Variants in CLVS1 observed in about 807,000 individuals in gnomAD.
CLVS1 encodes the protein clavesin-1.
Under a neutral mutation model 33.1 loss-of-function variants are expected in CLVS1, and 10 were observed. That is an observed-to-expected ratio of 0.30 (90% CI 0.19 to 0.51). The LOEUF is 0.51. CLVS1 is among the 20% of genes least tolerant of loss of function. The pLI, the probability that CLVS1 is intolerant of heterozygous loss-of-function variation, is 0.97. For synonymous variants in CLVS1, 163 were observed against 166.1 expected (o/e 0.98, Z 0.14); for missense variants, 343 against 433.4 (o/e 0.79, Z 1.85).
the CLVS1 span, among the ~76,000 whole-genome samples, chr8:60,970,084 T>A: frequency 1.3e-5 from 2 of 152,254 alleles, no homozygotes; most frequent in Non-Finnish European, 2.9e-5. Context: ...AATGTGATTA[T>A]AAAACATTTA....
chr8:61,216,419 G>A (rs945940235), intron 2 of CLVS1, among the ~76,000 whole-genome samples: 3 of 152,206 alleles, frequency 2.0e-5, no homozygotes, highest in Non-Finnish European at 4.4e-5. Context: ...GAAGGAAGGA[G>A]TTTAGCAGAC....
chr8:61,481,745 T>A (rs1004354809), intron 5 of CLVS1, among the ~76,000 whole-genome samples: 1 of 152,222 alleles, frequency 6.6e-6, no homozygotes, highest in African/African-American at 2.4e-5. Context: ...GAAGCCTGCC[T>A]CCCTCTGTAG....
At chr8:60,999,767 G>A in the CLVS1 span, among the ~76,000 whole-genome samples, 1 of 152,264 alleles carries the variant, frequency 6.6e-6, no homozygotes, top group African/African-American at 2.4e-5. Context: ...AAAAATGGCG[G>A]AAGAGAGTGG....
At chr8:60,984,300 CT>C in the CLVS1 span, among the ~76,000 whole-genome samples, 1 of 150,774 alleles carries the variant, frequency 6.6e-6, no homozygotes, top group Non-Finnish European at 1.5e-5. Context: ...AGTTTTTTTT[CT>C]TTTTTTCCTC....
chr8:61,494,200 C>T (rs1030660603), intron 5 of CLVS1, among the ~76,000 whole-genome samples: 2 of 151,850 alleles, frequency 1.3e-5, no homozygotes, highest in African/African-American at 4.8e-5. Flanking sequence ...AAAAATTAAA[C>T]CACAGCCATA....
At chr8:61,277,091 T>C (rs979859058) in intron 2 of CLVS1, among the ~76,000 whole-genome samples, 3 of 152,250 alleles carry the variant, frequency 2.0e-5, no homozygotes, top group African/African-American at 7.2e-5. Context: ...CAAGTCTTGC[T>C]GACTCCAGAG....
chr8:61,246,464 C>T (rs1262678340), intron 2 of CLVS1, among the ~76,000 whole-genome samples: 1 of 151,834 alleles, frequency 6.6e-6, no homozygotes, highest in Non-Finnish European at 1.5e-5. Context: ...GCCACTGCAC[C>T]AGGCCTTCCT....
the CLVS1 span, among the ~76,000 whole-genome samples, chr8:61,002,839 C>A: frequency 6.6e-6 from 1 of 152,130 alleles, no homozygotes; most frequent in Non-Finnish European, 1.5e-5. Context: ...CTAAAAGGAT[C>A]ATATATGGTG....
chr8:61,035,639 GTGTC>G, the CLVS1 span, among the ~76,000 whole-genome samples: 1 of 152,186 alleles, frequency 6.6e-6, no homozygotes, highest in African/African-American at 2.4e-5. Context: ...AAAGCTGCAG[GTGTC>G]TGCCCAGAGA....
chr8:61,067,875 A>G (rs1804711257), intron 1 of CLVS1, among the ~76,000 whole-genome samples: 1 of 151,986 alleles, frequency 6.6e-6, no homozygotes, highest in Non-Finnish European at 1.5e-5. Context: ...ATTGGGTACT[A>G]TGTTCACTAC....
At chr8:61,310,935 T>G (rs4033654) in intron 2 of CLVS1, among the ~76,000 whole-genome samples, 4 of 152,234 alleles carry the variant, frequency 2.6e-5, no homozygotes, top group African/African-American at 9.6e-5. Flanking sequence ...GCAAGATTTG[T>G]ACTCCTTTTA....
chr8:61,153,243 C>T lies in CLVS1; in HGVS notation c.-152+21383C>T, dbSNP rs532148807. On this transcript the variant is annotated intron_variant, in intron 2 of 2. Transcript: ENST00000522621. Reference sequence around the variant, plus strand: ...ATAACAAATTCAGTATTTGAGACATCGTAAATAAGGACTTGAAATGGACAG... The same window carrying T: ...ATAACAAATTCAGTATTTGAGACATTGTAAATAAGGACTTGAAATGGACAG... 2.7e-3 allele frequency among the ~76,000 whole-genome samples: 415 copies of T among 152,270 alleles called. 1 individual carries two copies. The highest frequency in any genetic ancestry group is 3.9e-3 in the Non-Finnish European group (263 of 68,022).
At chr8:61,032,988 G>GAAAGAAA in the CLVS1 span, among the ~76,000 whole-genome samples, 22 of 75,188 alleles carry the variant, frequency 2.9e-4, 1 homozygote, top group African/African-American at 1.5e-3. Flanking sequence ...AAGGAAGGAA[G>GAAAGAAA]GAAGGAAAGA....
At chr8:61,273,417 G>C (rs1216025682) in intron 2 of CLVS1, among the ~76,000 whole-genome samples, 6 of 152,176 alleles carry the variant, frequency 3.9e-5, no homozygotes, top group Non-Finnish European at 8.8e-5. Context: ...GGACATTTAA[G>C]TCTGCAGAGG....
chr8:61,331,804 T>TCTTCTCCTCCTCCTCCTCCTCCTCCTC (rs1554559749), intron 2 of CLVS1, among the ~76,000 whole-genome samples: 2 of 148,854 alleles, frequency 1.3e-5, no homozygotes, highest in African/African-American at 5.1e-5. Context: ...TTCTTCTTCT[T>TCTTCTCCTCCTCCTCCTCCTCCTCCTC]CTCCTCCTCC....
At chr8:61,232,368 T>C (rs1808466864) in intron 2 of CLVS1, among the ~76,000 whole-genome samples, 1 of 152,044 alleles carries the variant, frequency 6.6e-6, no homozygotes, top group Non-Finnish European at 1.5e-5. Flanking sequence ...TAAGGTACAG[T>C]TTGCACAGGA....
chr8:61,220,683 CT>C (rs1412312772), intron 2 of CLVS1, among the ~76,000 whole-genome samples: 1 of 151,154 alleles, frequency 6.6e-6, no homozygotes, highest in African/African-American at 2.4e-5. Flanking sequence ...ATAGTTTTTT[CT>C]AATTCTGTGA....
the CLVS1 span, among the ~76,000 whole-genome samples, chr8:60,991,070 T>C: frequency 6.6e-6 from 1 of 152,278 alleles, no homozygotes; most frequent in East Asian, 1.9e-4. Flanking sequence ...GATGCAGCTT[T>C]TGTTTCCCAG....
At chr8:61,455,493 A>G (rs1336613801) in intron 4 of CLVS1, among the ~76,000 whole-genome samples, 1 of 152,080 alleles carries the variant, frequency 6.6e-6, no homozygotes, top group Non-Finnish European at 1.5e-5. Context: ...TTTTGTTAAT[A>G]TAATTGTTCT....
Sources: gnomAD v4.1 joint callset for allele counts (sites outside exome capture counted in the v4.1 genomes callset) on GRCh38, gnomAD v4.1.1 for gene constraint, MANE v1.5 for transcripts, NCBI Gene and HGNC (gene_info 2026-07-23, HGNC 2026-07-21) for gene names.